FAM177B: variants seen among roughly 807,000 people sequenced by gnomAD.
FAM177B encodes family with sequence similarity 177 member B.
FAM177B carries 16 observed loss-of-function variants against 16.1 expected under a neutral mutation model. That is an observed-to-expected ratio of 0.99 (90% CI 0.67 to 1.51). FAM177B has a LOEUF of 1.51. FAM177B is among the 40% of genes most tolerant of loss of function. The probability of loss-of-function intolerance (pLI) is 0.00; values close to 1 mark genes in which losing one functional copy is unlikely to be tolerated. For synonymous variants in FAM177B, 56 were observed against 59.9 expected (o/e 0.93, Z 0.30); for missense variants, 178 against 183.7 (o/e 0.97, Z 0.18).
At chr1:222,744,332 G>A (rs1318933254) in intron 2 of FAM177B, among the ~76,000 whole-genome samples, 1 of 151,934 alleles carries the variant, frequency 6.6e-6, no homozygotes, top group African/African-American at 2.4e-5. Context: ...GTTAGCCGGG[G>A]GTGGTGGTGG....
chr1:222,740,934 C>T (rs1014290124), intron 2 of FAM177B, among the ~76,000 whole-genome samples: 3 of 152,070 alleles, frequency 2.0e-5, no homozygotes, highest in Admixed American at 6.6e-5. Flanking sequence ...CTCCTGACCT[C>T]GCGATCTGCC....
At chr1:222,739,012 C>A (rs184802666) in intron 2 of FAM177B, among the ~76,000 whole-genome samples, 233 of 152,254 alleles carry the variant, frequency 1.5e-3, no homozygotes, top group Non-Finnish European at 2.5e-3. Flanking sequence ...ATGCACAACA[C>A]CATAATCATA....
intron 2 of FAM177B, among the ~76,000 whole-genome samples, chr1:222,739,188 A>G (rs1432394678): frequency 6.6e-6 from 1 of 152,162 alleles, no homozygotes; most frequent in Non-Finnish European, 1.5e-5. Flanking sequence ...GACTATAATG[A>G]GACTATTAGG....
Position 222,750,252 on chromosome 1 carries a change from A to C in FAM177B, c.*194A>C. 1 of 1,383,568 alleles carries C rather than the reference A, an allele frequency of 7.2e-7. No individual in the cohort carries two copies. Among genetic ancestry groups the C allele is most frequent in the South Asian group, 1.9e-5 (1 of 52,678 alleles). 85.7% of individuals were successfully genotyped at this position (1,383,568 alleles called of 1,614,324 possible). On this transcript the variant is annotated 3_prime_UTR_variant, in exon 6 of 6. Coordinates refer to ENST00000445590, the MANE Select transcript of FAM177B (RefSeq NM_001394345.1). ...CATCCAGGAATTACAAGCAATAATG[A>C]GAGTAATTTTGGACACTTTCTCAGA...
chr1:222,743,767 G>A (rs1658658072), intron 2 of FAM177B, among the ~76,000 whole-genome samples: 1 of 152,128 alleles, frequency 6.6e-6, no homozygotes, highest in Non-Finnish European at 1.5e-5. Context: ...AGATAAGATA[G>A]TATTTTATTA....
chr1:222,737,644 C>A (rs1237239934), intron 1 of FAM177B, among the ~76,000 whole-genome samples: 1 of 152,042 alleles, frequency 6.6e-6, no homozygotes, highest in Non-Finnish European at 1.5e-5. Flanking sequence ...CCTTGTAGGC[C>A]ATTATGAGGA....
intron 4 of FAM177B, chr1:222,747,388 T>C: frequency 4.2e-6 from 1 of 237,018 alleles, no homozygotes; most frequent in Non-Finnish European, 8.2e-6. Context: ...CAGAGGGCAA[T>C]ATTTGAGGGC....
chr1:222,749,919 A>G lies in FAM177B; in HGVS notation c.340-2A>G, dbSNP rs769932829. On this transcript the variant is annotated splice_acceptor_variant, in intron 5 of 5. Transcript: ENST00000445590. LOFTEE classifies it high-confidence loss of function. ...ACATTTCCTTATTTCTCTCCAAAACAGAAAAGTGACAACAAAAGTGAAAGG... is the reference window on the plus strand; with the variant it reads ...ACATTTCCTTATTTCTCTCCAAAACGGAAAAGTGACAACAAAAGTGAAAGG... The G allele has an allele frequency of 1.2e-6, 2 of 1,614,126 alleles. No individual in the cohort carries two copies. Among genetic ancestry groups the G allele is most frequent in the Non-Finnish European group, 1.7e-6 (2 of 1,179,950 alleles).
intron 4 of FAM177B, 69 bp downstream of exon 4, chr1:222,747,150 G>T: frequency 9.5e-7 from 1 of 1,054,506 alleles, no homozygotes; most frequent in Non-Finnish European, 1.5e-6. Context: ...CTCAGAGTAT[G>T]TGGGACTTCC....
intron 2 of FAM177B, among the ~76,000 whole-genome samples, chr1:222,741,213 C>T (rs1658516948): frequency 6.6e-6 from 1 of 151,804 alleles, no homozygotes; most frequent in Non-Finnish European, 1.5e-5. Context: ...CACATGCCAC[C>T]AAGTCCGGCT....
chr1:222,739,412 G>A (rs1658427021), intron 2 of FAM177B, among the ~76,000 whole-genome samples: 1 of 151,996 alleles, frequency 6.6e-6, no homozygotes, highest in Non-Finnish European at 1.5e-5. Context: ...CTCTCTTTAG[G>A]GCACTGGTCC....
At chr1:222,748,362 A>T (rs1322363173) in intron 4 of FAM177B, among the ~76,000 whole-genome samples, 1 of 152,226 alleles carries the variant, frequency 6.6e-6, no homozygotes, top group Non-Finnish European at 1.5e-5. Flanking sequence ...GATTGAGAGT[A>T]TGGAGAAGAA....
At chr1:222,740,511 A>C (rs1411696124) in intron 2 of FAM177B, among the ~76,000 whole-genome samples, 1 of 152,028 alleles carries the variant, frequency 6.6e-6, no homozygotes, top group African/African-American at 2.4e-5. Flanking sequence ...TTTTGAAGCT[A>C]TACATTCTAA....
rs1333272471 is a variant in FAM177B, at chr1:222,749,483, G to A, written c.260G>A (p.Gly87Glu). ...TSFSTCEFLG[G>E]RFAVFFGLTQ... ...CTTTTAGCATGTGAATTCCTTGGTGGAAGATTTGCTGTCTTCTTTGGTCTT... is the reference window on the plus strand; with the variant it reads ...CTTTTAGCATGTGAATTCCTTGGTGAAAGATTTGCTGTCTTCTTTGGTCTT... Residue 87 changes from glycine (G) to glutamate (E), a missense_variant, in exon 5 of 6, where the codon GGA (glycine) becomes GAA (glutamate). Physicochemically the swap from Gly to Glu is moderately conservative, Grantham distance 98 (BLOSUM62 -2). Coordinates refer to ENST00000445590, the MANE Select transcript of FAM177B (RefSeq NM_001394345.1). 6.2e-7 allele frequency: 1 copy of A among 1,607,406 alleles called. No individual in the cohort carries two copies. The highest frequency in any genetic ancestry group is 1.3e-5 in the African/African-American group (1 of 74,762).
intron 2 of FAM177B, among the ~76,000 whole-genome samples, chr1:222,742,240 T>C (rs1558247261): frequency 6.6e-6 from 1 of 152,184 alleles, no homozygotes; most frequent in African/African-American, 2.4e-5. Flanking sequence ...TTATACTGTA[T>C]TGTCTGTTGC....
intron 2 of FAM177B, among the ~76,000 whole-genome samples, chr1:222,742,052 C>T (rs1435505204): frequency 6.6e-6 from 1 of 151,516 alleles, no homozygotes; most frequent in East Asian, 1.9e-4. Context: ...GTCAGCCTCT[C>T]ACCTCAACCT....
rs369907456 is a variant in FAM177B at position 222,741,057 on chromosome 1, C to CTTTTTT, written c.-16+3052_-16+3057dup. On this transcript the variant is annotated intron_variant, in intron 2 of 5. Transcript: ENST00000445590. Reference sequence around the variant, plus strand: ...TTTATTGCATCTTACTTTTTGTTTTCTTTTTTTTTTTTTTTTTTTTTGAGA... The same window carrying CTTTTTT: ...TTTATTGCATCTTACTTTTTGTTTTCTTTTTTTTTTTTTTTTTTTTTTTTTTTGAGA... 4.5e-4 allele frequency among the ~76,000 whole-genome samples: 37 copies of CTTTTTT among 82,182 alleles called. 1 individual carries two copies. Among genetic ancestry groups the CTTTTTT allele is most frequent in the Non-Finnish European group, 5.4e-4 (25 of 45,876 alleles). The allele number at this position is 82,182 out of a possible 152,430, so 53.9% of individuals were successfully genotyped here.
intron 2 of FAM177B, among the ~76,000 whole-genome samples, chr1:222,741,533 A>ATTT (rs72331510): frequency 1.4e-5 from 2 of 142,902 alleles, no homozygotes; most frequent in Admixed American, 6.9e-5. Context: ...TGAATTCTCT[A>ATTT]TTTTTTTTTT....
intron 1 of FAM177B, among the ~76,000 whole-genome samples, chr1:222,737,603 G>A (rs922440650): frequency 6.6e-6 from 1 of 152,170 alleles, no homozygotes; most frequent in African/African-American, 2.4e-5. Context: ...ACAAGATGGC[G>A]TCAGAAAGCT....
Sources: allele counts gnomAD v4.1 joint callset (sites outside exome capture counted in the v4.1 genomes callset), GRCh38; gene constraint gnomAD v4.1.1; transcripts MANE v1.5; gene names NCBI Gene and HGNC (gene_info 2026-07-23, HGNC 2026-07-21).